Variants in ZFAT observed in about 807,000 individuals in gnomAD.
The protein encoded by ZFAT is zinc finger protein ZFAT.
ZFAT carries 64 observed loss-of-function variants against 117.7 expected under a neutral mutation model. The ratio of observed to expected loss-of-function variants is 0.54; its 90% CI spans 0.44 to 0.67. The LOEUF is 0.67. Ranked by LOEUF, ZFAT falls within the 30% of genes least tolerant of loss-of-function variation. The pLI is 0.00. For missense variants in ZFAT, 1,433 were observed against 1,584.5 expected (o/e 0.90, Z 1.62); for synonymous variants, 679 against 615.0 (o/e 1.10, Z -1.54).
At chr8:134,825,010 A>G in the ZFAT span, among the ~76,000 whole-genome samples, 3 of 152,224 alleles carry the variant, frequency 2.0e-5, no homozygotes, top group East Asian at 5.8e-4. Context: ...TTCTGTCTAA[A>G]AGCCCTTCTC....
chr8:134,660,822 T>C (rs1831887906), intron 1 of ZFAT, among the ~76,000 whole-genome samples: 3 of 152,252 alleles, frequency 2.0e-5, no homozygotes. Flanking sequence ...CTATTTTGCA[T>C]TTGTATATGA....
the ZFAT span, among the ~76,000 whole-genome samples, chr8:134,815,034 G>A: frequency 6.6e-6 from 1 of 152,084 alleles, no homozygotes; most frequent in Admixed American, 6.5e-5. Flanking sequence ...AAGGAAAAAA[G>A]ACCAACTCTT....
At chr8:134,604,866 G>A (rs1827766562) in intron 5 of ZFAT, among the ~76,000 whole-genome samples, 1 of 152,176 alleles carries the variant, frequency 6.6e-6, no homozygotes, top group East Asian at 1.9e-4. Flanking sequence ...TTTCTCAAAT[G>A]ACAAAGATAT....
the ZFAT span, among the ~76,000 whole-genome samples, chr8:134,741,023 C>T: frequency 1.3e-5 from 2 of 152,144 alleles, no homozygotes; most frequent in Admixed American, 6.5e-5. Context: ...AGAACCCAAG[C>T]CCTACAAAGG....
At chr8:134,818,069 G>A in the ZFAT span, among the ~76,000 whole-genome samples, 3 of 152,062 alleles carry the variant, frequency 2.0e-5, no homozygotes, top group Non-Finnish European at 1.5e-5. Context: ...AACCTTTGTT[G>A]ACCTTGAATT....
chr8:134,631,941 A>G (rs535133263), intron 3 of ZFAT, among the ~76,000 whole-genome samples: 14 of 152,252 alleles, frequency 9.2e-5, no homozygotes, highest in Admixed American at 8.5e-4. Context: ...TGAGACTTTG[A>G]ACTGCCAGAT....
At chr8:134,804,538 T>C in the ZFAT span, among the ~76,000 whole-genome samples, 1 of 152,264 alleles carries the variant, frequency 6.6e-6, no homozygotes, top group South Asian at 2.1e-4. Context: ...ATGGAGAAAA[T>C]CAGTCTCCTG....
At chr8:134,519,887 A>G (rs920951830) in intron 13 of ZFAT, among the ~76,000 whole-genome samples, 2 of 152,106 alleles carry the variant, frequency 1.3e-5, no homozygotes, top group African/African-American at 2.4e-5. Flanking sequence ...ATCAGTGAAC[A>G]CTGAATTTTG....
At chr8:134,500,976 C>T (rs1450531024) in intron 15 of ZFAT, among the ~76,000 whole-genome samples, 1 of 152,198 alleles carries the variant, frequency 6.6e-6, no homozygotes, top group African/African-American at 2.4e-5. Flanking sequence ...AATTGCACTG[C>T]AGAGTTCATT....
chr8:134,543,611 G>A (rs897938053), intron 11 of ZFAT, among the ~76,000 whole-genome samples: 1 of 152,168 alleles, frequency 6.6e-6, no homozygotes, highest in East Asian at 1.9e-4. Context: ...TGAGTTCCTT[G>A]GGTCAGGCTC....
intron 3 of ZFAT, among the ~76,000 whole-genome samples, chr8:134,612,309 C>T (rs1278346810): frequency 6.6e-6 from 1 of 152,168 alleles, no homozygotes; most frequent in East Asian, 1.9e-4. Context: ...GAGATCGGAA[C>T]CATGCAGTAA....
intron 1 of ZFAT, among the ~76,000 whole-genome samples, chr8:134,681,317 G>A (rs1024106974): frequency 7.2e-5 from 11 of 152,192 alleles, no homozygotes; most frequent in Non-Finnish European, 1.2e-4. Context: ...ACACCAGCTG[G>A]TGGGGAGAGG....
intron 1 of ZFAT, among the ~76,000 whole-genome samples, chr8:134,667,492 CAAAAAA>C (rs34820180): frequency 1.6e-5 from 1 of 64,222 alleles, no homozygotes; most frequent in Non-Finnish European, 3.0e-5. Flanking sequence ...GACTAAGTCT[CAAAAAA>C]AAAAAAAAAA....
chr8:134,642,175 C>T (rs927814370), intron 2 of ZFAT, among the ~76,000 whole-genome samples: 7 of 152,264 alleles, frequency 4.6e-5, no homozygotes, highest in South Asian at 4.1e-4. Flanking sequence ...CTGCTGAGCA[C>T]GCAGAACTGG....
intron 10 of ZFAT, among the ~76,000 whole-genome samples, chr8:134,576,415 C>T (rs1454911839): frequency 1.3e-5 from 2 of 152,116 alleles, no homozygotes; most frequent in Non-Finnish European, 2.9e-5. Flanking sequence ...CAGAAATCTA[C>T]CATGTTCATC....
the ZFAT span, among the ~76,000 whole-genome samples, chr8:134,768,666 C>T: frequency 6.6e-6 from 1 of 152,180 alleles, no homozygotes; most frequent in Non-Finnish European, 1.5e-5. Context: ...GAAAATAGCA[C>T]AGGAAAGACC....
intron 3 of ZFAT, among the ~76,000 whole-genome samples, chr8:134,612,906 C>T (rs548551516): frequency 2.0e-5 from 3 of 152,314 alleles, no homozygotes; most frequent in Admixed American, 2.0e-4. Context: ...ATTTTGTAGG[C>T]TTGATTTGCA....
At chr8:134,662,641 C>T (rs144322525) in intron 1 of ZFAT, among the ~76,000 whole-genome samples, 3 of 152,198 alleles carry the variant, frequency 2.0e-5, no homozygotes, top group African/African-American at 7.2e-5. Flanking sequence ...CAATGGCCAC[C>T]GCCAAGCACT....
At chr8:134,574,993 A>G (rs1431816640) in intron 10 of ZFAT, among the ~76,000 whole-genome samples, 1 of 152,168 alleles carries the variant, frequency 6.6e-6, no homozygotes. Flanking sequence ...ATTTGAAAAA[A>G]AAAAGTGACT....
Sources: gnomAD v4.1 joint callset for allele counts (sites outside exome capture counted in the v4.1 genomes callset) on GRCh38, gnomAD v4.1.1 for gene constraint, MANE v1.5 for transcripts, NCBI Gene and HGNC (gene_info 2026-07-23, HGNC 2026-07-21) for gene names.